NRG1: variants seen among roughly 807,000 people sequenced by gnomAD.
The protein encoded by NRG1 is neuregulin 1.
A neutral mutation model predicts 63.8 loss-of-function variants in NRG1; 18 were observed. That is an observed-to-expected ratio of 0.28 (90% CI 0.19 to 0.42). The LOEUF (loss-of-function observed/expected upper bound fraction) is 0.42, where lower values mean the gene tolerates loss of function less well. Ranked by LOEUF, NRG1 falls within the 10% of genes least tolerant of loss-of-function variation. The pLI is 1.00. For missense variants in NRG1, 762 were observed against 814.7 expected (o/e 0.94, Z 0.79); for synonymous variants, 302 against 301.3 (o/e 1.00, Z -0.02).
At chr8:32,125,153 C>A (rs1833920120) in intron 1 of NRG1, among the ~76,000 whole-genome samples, 2 of 151,978 alleles carry the variant, frequency 1.3e-5, no homozygotes, top group Non-Finnish European at 2.9e-5. Flanking sequence ...CCTCACCAGA[C>A]ACCAAATGTG....
chr8:32,665,744 C>T (rs917341614), intron 5 of NRG1, among the ~76,000 whole-genome samples: 9 of 152,114 alleles, frequency 5.9e-5, no homozygotes, highest in Admixed American at 5.2e-4. Context: ...ATCAAGCATA[C>T]GTGGTTGCAG....
intron 1 of NRG1, among the ~76,000 whole-genome samples, chr8:32,246,847 T>C (rs1256067936): frequency 1.3e-5 from 2 of 152,024 alleles, no homozygotes; most frequent in Non-Finnish European, 2.9e-5. Context: ...TCAAAGGCTA[T>C]AAAATCTTTA....
intron 1 of NRG1, among the ~76,000 whole-genome samples, chr8:31,717,218 C>G (rs542525444): frequency 1.0e-3 from 159 of 151,834 alleles, no homozygotes; most frequent in Non-Finnish European, 2.1e-3. Context: ...ACAAGCCTGG[C>G]CAATATGGTG....
intron 1 of NRG1, among the ~76,000 whole-genome samples, chr8:32,521,615 CTT>C (rs1194692659): frequency 1.3e-5 from 2 of 152,064 alleles, no homozygotes; most frequent in African/African-American, 4.8e-5. Context: ...GAGAAGTAAA[CTT>C]AATTTTTTAA....
intron 1 of NRG1, among the ~76,000 whole-genome samples, chr8:32,064,676 T>C (rs1824455157): frequency 6.6e-6 from 1 of 152,164 alleles, no homozygotes; most frequent in African/African-American, 2.4e-5. Flanking sequence ...TGGCCGAAGC[T>C]AATCCTTTTG....
intron 1 of NRG1, among the ~76,000 whole-genome samples, chr8:32,175,244 C>T (rs186249176): frequency 6.6e-6 from 1 of 152,110 alleles, no homozygotes; most frequent in African/African-American, 2.4e-5. Flanking sequence ...ATTACTATCT[C>T]AATAGATGCA....
intron 1 of NRG1, among the ~76,000 whole-genome samples, chr8:32,014,290 T>C (rs956856784): frequency 1.3e-5 from 2 of 152,194 alleles, no homozygotes; most frequent in African/African-American, 4.8e-5. Context: ...GTTGTATTCC[T>C]AGGTATTTTA....
At chr8:31,929,700 T>G (rs187887453) in intron 1 of NRG1, among the ~76,000 whole-genome samples, 3 of 152,364 alleles carry the variant, frequency 2.0e-5, no homozygotes, top group Admixed American at 2.0e-4. Flanking sequence ...TATAACTTCC[T>G]GTTATCCTTT....
chr8:32,214,678 AG>A (rs1845035915), intron 1 of NRG1, among the ~76,000 whole-genome samples: 1 of 152,122 alleles, frequency 6.6e-6, no homozygotes, highest in African/African-American at 2.4e-5. Flanking sequence ...AGAGAGAGAG[AG>A]AATTCTTTTT....
At chr8:32,745,241 A>C (rs1296294912) in intron 7 of NRG1, among the ~76,000 whole-genome samples, 1 of 152,204 alleles carries the variant, frequency 6.6e-6, no homozygotes, top group African/African-American at 2.4e-5. Flanking sequence ...CCGTTTTAAA[A>C]TTTAATTGTT....
intron 1 of NRG1, among the ~76,000 whole-genome samples, chr8:31,979,251 G>A (rs919694241): frequency 6.6e-6 from 1 of 152,042 alleles, no homozygotes; most frequent in African/African-American, 2.4e-5. Flanking sequence ...CCAGGTTCTT[G>A]CTTGTGAATG....
At chr8:32,662,927 C>A (rs567500248) in intron 5 of NRG1, among the ~76,000 whole-genome samples, 1 of 152,204 alleles carries the variant, frequency 6.6e-6, no homozygotes, top group African/African-American at 2.4e-5. Context: ...GCGAGATATG[C>A]CTGAGAGCCT....
intron 1 of NRG1, among the ~76,000 whole-genome samples, chr8:31,892,244 A>G (rs1831205613): frequency 6.6e-6 from 1 of 152,168 alleles, no homozygotes; most frequent in African/African-American, 2.4e-5. Flanking sequence ...TCAGTTGATC[A>G]AGCTGCTCTT....
At chr8:32,150,886 T>G (rs527558455) in intron 1 of NRG1, among the ~76,000 whole-genome samples, 4 of 152,344 alleles carry the variant, frequency 2.6e-5, no homozygotes, top group Non-Finnish European at 5.9e-5. Context: ...ACCCAAGTTA[T>G]AAATTTTTAG....
intron 1 of NRG1, among the ~76,000 whole-genome samples, chr8:32,418,512 A>G (rs936469363): frequency 5.3e-5 from 8 of 152,056 alleles, no homozygotes; most frequent in African/African-American, 1.9e-4. Flanking sequence ...CACGTATTTT[A>G]CACTTACAGT....
intron 1 of NRG1, among the ~76,000 whole-genome samples, chr8:31,848,583 A>G (rs1826909885): frequency 6.6e-6 from 1 of 152,146 alleles, no homozygotes; most frequent in African/African-American, 2.4e-5. Context: ...TGAGTGAGCA[A>G]AGCTTCTTCT....
intron 1 of NRG1, among the ~76,000 whole-genome samples, chr8:31,850,584 C>G (rs1467519654): frequency 6.6e-6 from 1 of 152,116 alleles, no homozygotes; most frequent in Non-Finnish European, 1.5e-5. Flanking sequence ...CTTTTTCTTG[C>G]CTGTCCTCCC....
At chr8:32,252,980 G>C (rs1021378478) in intron 1 of NRG1, among the ~76,000 whole-genome samples, 1 of 152,150 alleles carries the variant, frequency 6.6e-6, no homozygotes, top group Admixed American at 6.5e-5. Flanking sequence ...GTTCACTCAT[G>C]ATTTGGCTCT....
intron 1 of NRG1, among the ~76,000 whole-genome samples, chr8:32,337,298 C>A (rs1363647209): frequency 6.6e-6 from 1 of 152,066 alleles, no homozygotes; most frequent in Non-Finnish European, 1.5e-5. Flanking sequence ...TACATGAATG[C>A]ACCTGGCCTG....
Sources: allele counts gnomAD v4.1 joint callset (sites outside exome capture counted in the v4.1 genomes callset), GRCh38; gene constraint gnomAD v4.1.1; transcripts MANE v1.5; gene names NCBI Gene and HGNC (gene_info 2026-07-23, HGNC 2026-07-21).